HS6ST3: variants seen among roughly 807,000 people sequenced by gnomAD.
HS6ST3 encodes heparan sulfate 6-O-sulfotransferase 3.
HS6ST3 carries 12 observed loss-of-function variants against 36.7 expected under a neutral mutation model. The observed-to-expected ratio is 0.33, with a 90% CI of 0.21 to 0.53. The LOEUF (loss-of-function observed/expected upper bound fraction) is 0.53, where lower values mean the gene tolerates loss of function less well. Among genes scored for constraint, HS6ST3 ranks in the 20% least tolerant of loss-of-function variants. The probability of loss-of-function intolerance (pLI) is 0.95; values close to 1 mark genes in which losing one functional copy is unlikely to be tolerated. For synonymous variants in HS6ST3, 240 were observed against 257.5 expected (o/e 0.93, Z 0.65); for missense variants, 584 against 640.9 (o/e 0.91, Z 0.96).
At chr13:96,509,813 C>T (rs1160141883) in intron 1 of HS6ST3, among the ~76,000 whole-genome samples, 7 of 152,048 alleles carry the variant, frequency 4.6e-5, no homozygotes, top group African/African-American at 1.7e-4. Flanking sequence ...CTTAGGATTG[C>T]TTTAGATATT....
chr13:96,095,984 A>G (rs1304671394), intron 1 of HS6ST3, among the ~76,000 whole-genome samples: 1 of 151,710 alleles, frequency 6.6e-6, no homozygotes, highest in African/African-American at 2.4e-5. Context: ...AACTGTGTCA[A>G]TTGTAGGTGC....
intron 1 of HS6ST3, among the ~76,000 whole-genome samples, chr13:96,168,324 A>T (rs1332761811): frequency 6.6e-6 from 1 of 152,182 alleles, no homozygotes; most frequent in Non-Finnish European, 1.5e-5. Flanking sequence ...ACACAAAGGC[A>T]TATCATTGAC....
chr13:96,596,612 G>A (rs967126350), intron 1 of HS6ST3, among the ~76,000 whole-genome samples: 5 of 151,976 alleles, frequency 3.3e-5, no homozygotes, highest in Admixed American at 6.6e-5. Context: ...CACTACATCC[G>A]TGTCAACATC....
intron 1 of HS6ST3, among the ~76,000 whole-genome samples, chr13:96,535,943 T>C (rs943685471): frequency 2.6e-5 from 4 of 152,220 alleles, no homozygotes; most frequent in South Asian, 2.1e-4. Flanking sequence ...GTGTTACTAA[T>C]TGAGATAGCT....
intron 1 of HS6ST3, among the ~76,000 whole-genome samples, chr13:96,591,216 T>C (rs898867922): frequency 6.6e-6 from 1 of 152,122 alleles, no homozygotes; most frequent in African/African-American, 2.4e-5. Flanking sequence ...GGACTTTTTT[T>C]CTATTTCTGT....
intron 1 of HS6ST3, among the ~76,000 whole-genome samples, chr13:96,515,403 G>A (rs151211462): frequency 1.8e-4 from 28 of 152,302 alleles, no homozygotes; most frequent in African/African-American, 5.1e-4. Flanking sequence ...AGGGGATGGC[G>A]TTGTTCACAT....
At chr13:96,747,905 G>A (rs868430467) in intron 1 of HS6ST3, among the ~76,000 whole-genome samples, 6 of 152,054 alleles carry the variant, frequency 3.9e-5, no homozygotes, top group Admixed American at 1.3e-4. Context: ...GTAGCTATTA[G>A]GAAGATATAT....
intron 1 of HS6ST3, among the ~76,000 whole-genome samples, chr13:96,484,269 C>T (rs549447330): frequency 5.9e-5 from 9 of 152,062 alleles, no homozygotes; most frequent in African/African-American, 1.7e-4. Context: ...ACATGTCAGT[C>T]ACCTTACTCT....
chr13:96,427,465 T>G (rs12874857), intron 1 of HS6ST3, among the ~76,000 whole-genome samples: 1 of 152,074 alleles, frequency 6.6e-6, no homozygotes, highest in South Asian at 2.1e-4. Flanking sequence ...ACTGGTGGTG[T>G]TTTATTAGTT....
chr13:96,549,982 A>G (rs985060047), intron 1 of HS6ST3, among the ~76,000 whole-genome samples: 4 of 152,122 alleles, frequency 2.6e-5, no homozygotes, highest in Non-Finnish European at 5.9e-5. Context: ...TATGTTCTCT[A>G]TTTCCACATT....
chr13:96,684,657 T>C (rs1287895257), intron 1 of HS6ST3, among the ~76,000 whole-genome samples: 1 of 152,086 alleles, frequency 6.6e-6, no homozygotes, highest in South Asian at 2.1e-4. Context: ...AGTATTCCCA[T>C]TGTGTTGTCA....
intron 1 of HS6ST3, among the ~76,000 whole-genome samples, chr13:96,737,481 C>T (rs1212302835): frequency 1.3e-5 from 2 of 150,548 alleles, no homozygotes; most frequent in Non-Finnish European, 1.5e-5. Flanking sequence ...AAAAATTAGC[C>T]GGGCGCGGTG....
At chr13:96,654,789 A>G (rs1377378064) in intron 1 of HS6ST3, among the ~76,000 whole-genome samples, 1 of 152,182 alleles carries the variant, frequency 6.6e-6, no homozygotes, top group Non-Finnish European at 1.5e-5. Flanking sequence ...TTGAAACAAA[A>G]GATGTCTGTA....
At chr13:96,232,653 A>G (rs1350997760) in intron 1 of HS6ST3, among the ~76,000 whole-genome samples, 2 of 152,144 alleles carry the variant, frequency 1.3e-5, no homozygotes, top group East Asian at 1.9e-4. Context: ...CAGGGAGCCC[A>G]GAGACAAGGA....
At chr13:96,510,383 C>T (rs1001744743) in intron 1 of HS6ST3, among the ~76,000 whole-genome samples, 1 of 152,078 alleles carries the variant, frequency 6.6e-6, no homozygotes, top group Non-Finnish European at 1.5e-5. Flanking sequence ...TGCCTAATTG[C>T]TCTGGCTAGG....
intron 1 of HS6ST3, among the ~76,000 whole-genome samples, chr13:96,440,491 G>A (rs202066743): frequency 2.7e-5 from 2 of 74,594 alleles, no homozygotes; most frequent in Admixed American, 1.4e-4. Flanking sequence ...GGAGGGGAGA[G>A]GAGAAAGGAA....
At chr13:96,685,509 G>A (rs541402318) in intron 1 of HS6ST3, among the ~76,000 whole-genome samples, 1 of 152,108 alleles carries the variant, frequency 6.6e-6, no homozygotes, top group East Asian at 1.9e-4. Flanking sequence ...TGTAGTATTT[G>A]TGTTAGATAC....
chr13:96,316,208 A>G (rs887488102), intron 1 of HS6ST3, among the ~76,000 whole-genome samples: 3 of 152,098 alleles, frequency 2.0e-5, no homozygotes, highest in Admixed American at 6.6e-5. Flanking sequence ...ATATGCATGT[A>G]TATGTATACA....
At chr13:96,398,455 G>A (rs1275016325) in intron 1 of HS6ST3, among the ~76,000 whole-genome samples, 1 of 151,958 alleles carries the variant, frequency 6.6e-6, no homozygotes, top group Non-Finnish European at 1.5e-5. Flanking sequence ...GCTAATTTTT[G>A]TGTTTTTAGT....
Sources: allele counts gnomAD v4.1 joint callset (sites outside exome capture counted in the v4.1 genomes callset), GRCh38; gene constraint gnomAD v4.1.1; transcripts MANE v1.5; gene names NCBI Gene and HGNC (gene_info 2026-07-23, HGNC 2026-07-21).